PPP4C: variants seen among roughly 807,000 people sequenced by gnomAD.
The protein encoded by PPP4C is protein phosphatase 4 catalytic subunit, also known as serine/threonine-protein phosphatase 4 catalytic subunit.
In PPP4C, 10 loss-of-function variants were observed where a neutral mutation model predicts 40.5. The ratio of observed to expected loss-of-function variants is 0.25; its 90% CI spans 0.15 to 0.42. PPP4C has a LOEUF of 0.42. PPP4C is among the 10% of genes least tolerant of loss of function. PPP4C has a pLI of 1.00. For missense variants in PPP4C, 191 were observed against 416.4 expected (o/e 0.46, Z 4.71); for synonymous variants, 187 against 163.6 (o/e 1.14, Z -1.09).
chr16:30,076,243 C>A, intron 1 of PPP4C, 72 bp from the exon 2 acceptor site: 1 of 893,934 alleles, frequency 1.1e-6, no homozygotes, highest in Non-Finnish European at 1.7e-6. Context: ...GCCGGGCCGG[C>A]TCTAGAATCG....
intron 4 of PPP4C, 46 bp from the exon 5 acceptor site, chr16:30,082,700 G>GCCT (rs745518522): frequency 6.4e-7 from 1 of 1,569,220 alleles, no homozygotes; most frequent in Non-Finnish European, 8.8e-7. Flanking sequence ...CAGGTAGGGG[G>GCCT]TAGGGGACTG....
In PPP4C at chr16:30,082,737, T is replaced by A; in HGVS notation, c.202-9T>A. 6 of 1,612,072 alleles carry A rather than the reference T, an allele frequency of 3.7e-6. No homozygotes were observed. The highest frequency in any genetic ancestry group is 5.1e-6 in the Non-Finnish European group (6 of 1,178,620). ...TTACGACAGGGCAAAACTTTCTACT[T>A]CCCCACAGGTAGGTGGCGACGTCCC... On this transcript the variant is annotated splice_polypyrimidine_tract_variant and intron_variant, in intron 4 of 8. Transcript: ENST00000279387.
intron 2 of PPP4C, among the ~76,000 whole-genome samples, 166 bp downstream of exon 2, chr16:30,076,641 G>C (rs1166972568): frequency 6.6e-6 from 1 of 152,240 alleles, no homozygotes; most frequent in African/African-American, 2.4e-5. Context: ...GCTCGGGGAA[G>C]ACAGAGTGGA....
rs546535681 is a variant in PPP4C at position 30,082,818 on chromosome 16, G to A, written c.274G>A (p.Glu92Lys). Reference protein sequence around the residue: ...DFVDRGFYSVETFLLLLALKV... With the variant: ...DFVDRGFYSVKTFLLLLALKV... Reference sequence around the variant, plus strand: ...TGTGGACCGTGGCTTCTATAGCGTCGAAACGTTCCTCCTGCTGCTGGCACT... The same window carrying A: ...TGTGGACCGTGGCTTCTATAGCGTCAAAACGTTCCTCCTGCTGCTGGCACT... The change falls in exon 5 of 9, where the codon GAA (glutamate) becomes AAA (lysine). Residue 92 changes from glutamate to lysine, a missense_variant. Physicochemically the swap from Glu to Lys is moderately conservative, Grantham distance 56. Transcript: ENST00000279387. 2 of 1,614,058 alleles carry A rather than the reference G, an allele frequency of 1.2e-6. No homozygotes were observed. Among genetic ancestry groups the A allele is most frequent in the South Asian group, 1.1e-5 (1 of 91,068 alleles).
chr16:30,085,127 C>T lies in PPP4C; in HGVS notation c.*65C>T, dbSNP rs762360378. On this transcript the variant is annotated 3_prime_UTR_variant, in exon 9 of 9. Coordinates refer to ENST00000279387, the MANE Select transcript of PPP4C (RefSeq NM_002720.3). The stretch of plus-strand genomic sequence containing the variant: ...CGCACCACTGTGACTCTGCCATCTT[C>T]CTCAGACGGAGGCTGGGCGTGGGGG... The T allele has an allele frequency of 4.5e-5, 71 of 1,571,830 alleles. No individual in the cohort carries two copies. Among genetic ancestry groups the T allele is most frequent in the Non-Finnish European group, 6.1e-5 (71 of 1,156,010 alleles).
chr16:30,078,244 G>A (rs1180026300), intron 2 of PPP4C, among the ~76,000 whole-genome samples: 1 of 152,196 alleles, frequency 6.6e-6, no homozygotes, highest in Non-Finnish European at 1.5e-5. Context: ...AATACGCAGG[G>A]TGGGCTGAGT....
Position 30,076,410 on chromosome 16 carries a change from C to G in PPP4C, c.33C>G (p.Ile11Met), listed in dbSNP as rs1170553626. MAEISDLDRQ[I>M]EQLRRCELIK... ...AGATCAGCGACCTGGACCGGCAGAT[C>G]GAGCAGCTGCGTCGCTGCGAGCTCA... Residue 11 changes from isoleucine to methionine, a missense_variant, in exon 2 of 9, where the codon ATC (isoleucine) becomes ATG (methionine). By Grantham distance (10) the Ile-to-Met change is conservative (BLOSUM62 1). Coordinates refer to ENST00000279387, the MANE Select transcript of PPP4C (RefSeq NM_002720.3). 3.7e-6 allele frequency: 6 copies of G among 1,613,154 alleles called. No individual in the cohort carries two copies. The highest frequency in any genetic ancestry group is 1.3e-5 in the African/African-American group (1 of 74,936).
rs1349901109 is a variant in PPP4C at position 30,083,285 on chromosome 16, T to C, written c.304-109T>C. On this transcript the variant is annotated intron_variant, in intron 5 of 8. Transcript: ENST00000279387. The surrounding 1 kb of genome is among the most constrained non-coding windows in gnomAD (Gnocchi z 6.3). ...ATTCAGGCAAGAGGTGCCAGGAGTG[T>C]GCTGGGCAGTGGTTGTGAGGATGGC... 7.9e-6 allele frequency: 10 copies of C among 1,269,056 alleles called. No homozygotes were observed. The East Asian group carries it at 1.4e-4, about 18-fold the overall frequency. 78.6% of individuals were successfully genotyped at this position (1,269,056 alleles called of 1,614,324 possible). A position where few individuals can be genotyped will look rare whatever the true frequency, so the allele number is the denominator to read the frequency against.
chr16:30,080,813 A>C lies in PPP4C; in HGVS notation c.99-446A>C, dbSNP rs528606573. Among the ~76,000 whole-genome samples, 8 of 152,238 alleles carry C rather than the reference A, an allele frequency of 5.3e-5. No individual in the cohort carries two copies. The East Asian group carries it at 1.5e-3, about 29-fold the overall frequency. ...AGCCACCGCACCTGGCCAAGAGCGC[A>C]TCACTTTGAAGGCGCATCCACTGTG... is the stretch of plus-strand genomic sequence containing the variant. On this transcript the variant is annotated intron_variant, in intron 2 of 8. Transcript: ENST00000279387.
intron 2 of PPP4C, among the ~76,000 whole-genome samples, chr16:30,078,107 G>GTCTC (rs1407812799): frequency 6.6e-6 from 1 of 152,132 alleles, no homozygotes; most frequent in Non-Finnish European, 1.5e-5. Flanking sequence ...TCGAAGTATT[G>GTCTC]TCTCCCTCAC....
intron 2 of PPP4C, among the ~76,000 whole-genome samples, chr16:30,079,870 A>C (rs962088652): frequency 6.6e-5 from 10 of 151,928 alleles, no homozygotes; most frequent in African/African-American, 1.9e-4. Flanking sequence ...TTCATATCCC[A>C]CCTGTGTCAC....
In PPP4C at chr16:30,076,301, T is replaced by A. The variant is rs2072392450; in HGVS notation, c.-63-14T>A. 6.8e-7 allele frequency: 1 copy of A among 1,472,940 alleles called. No individual in the cohort carries two copies. Among genetic ancestry groups the A allele is most frequent in the African/African-American group, 1.4e-5 (1 of 71,842 alleles). 91.2% of individuals were successfully genotyped at this position (1,472,940 alleles called of 1,614,324 possible). ...ACGGACACTGATCCGCGGGCTCGTC[T>A]TGGCCTTTCCCAGGAGACCCCTGTG... On this transcript the variant is annotated splice_polypyrimidine_tract_variant and intron_variant, in intron 1 of 8. Transcript: ENST00000279387.
chr16:30,083,848 C>T lies in PPP4C; in HGVS notation c.604+67C>T. The T allele has an allele frequency of 2.5e-6, 4 of 1,586,674 alleles. No homozygotes were observed. The highest frequency in any genetic ancestry group is 3.4e-6 in the Non-Finnish European group (4 of 1,165,132). Reference sequence around the variant, plus strand: ...GGGTTGGGAAAGAGAGGGAGCAGGGCTGGTCTTCACTGTCACTCGTCCTCC... The same window carrying T: ...GGGTTGGGAAAGAGAGGGAGCAGGGTTGGTCTTCACTGTCACTCGTCCTCC... On this transcript the variant is annotated intron_variant, in intron 7 of 8. Coordinates refer to ENST00000279387, the MANE Select transcript of PPP4C (RefSeq NM_002720.3). The surrounding 1 kb of genome is among the most constrained non-coding windows in gnomAD (Gnocchi z 6.3).
chr16:30,081,093 G>C (rs541137361), intron 2 of PPP4C, 166 bp from the exon 3 acceptor site: 2 of 853,580 alleles, frequency 2.3e-6, no homozygotes, highest in Non-Finnish European at 1.9e-6. Context: ...GAAGGGTGTT[G>C]CATGCTGAAG....
At chr16:30,082,159 G>A (rs1274490358) in intron 3 of PPP4C, among the ~76,000 whole-genome samples, 1 of 152,200 alleles carries the variant, frequency 6.6e-6, no homozygotes, top group East Asian at 1.9e-4. Context: ...TATTTGGCGA[G>A]TGATTCTGCT....
chr16:30,085,126 T>C lies in PPP4C; in HGVS notation c.*64T>C. 1 of 1,574,068 alleles carries C rather than the reference T, an allele frequency of 6.4e-7. No individual in the cohort carries two copies. The highest frequency in any genetic ancestry group is 8.6e-7 in the Non-Finnish European group (1 of 1,156,616). On this transcript the variant is annotated 3_prime_UTR_variant, in exon 9 of 9. Transcript: ENST00000279387. The stretch of plus-strand genomic sequence containing the variant: ...TCGCACCACTGTGACTCTGCCATCT[T>C]CCTCAGACGGAGGCTGGGCGTGGGG...
At position 30,084,968 on chromosome 16, in the gene PPP4C, A is replaced by C; in HGVS notation, c.830A>C (p.Glu277Ala). 1 of 1,614,154 alleles carries C rather than the reference A, an allele frequency of 6.2e-7. No individual in the cohort carries two copies. Among genetic ancestry groups the C allele is most frequent in the Non-Finnish European group, 8.5e-7 (1 of 1,179,988 alleles). ...GTGGCAGCCATCTTGGAGCTGGACG[A>C]GCATCTCCAGAAAGATTTCATCATC... ...GNVAAILELD[E>A]HLQKDFIIFE... The change falls in exon 9 of 9, where the codon GAG becomes GCG. Residue 277 changes from glutamate (E) to alanine (A), a missense_variant. By Grantham distance (107) the Glu-to-Ala change is moderately radical. This residue lies in a region of PPP4C where 20 missense variants were observed against 41.0 expected (regional missense o/e 0.49). Coordinates refer to ENST00000279387, the MANE Select transcript of PPP4C (RefSeq NM_002720.3).
intron 2 of PPP4C, 130 bp downstream of exon 2, chr16:30,076,605 C>T (rs2151023607): frequency 1.1e-6 from 1 of 883,586 alleles, no homozygotes; most frequent in Non-Finnish European, 1.8e-6. Context: ...AGGATGGAGC[C>T]GCTGCCCTCG....
In PPP4C at chr16:30,082,490, G is replaced by A. The variant is rs1267683060; in HGVS notation, c.157G>A (p.Gly53Ser). 6.2e-7 allele frequency: 1 copy of A among 1,613,828 alleles called. No individual in the cohort carries two copies. The highest frequency in any genetic ancestry group is 8.5e-7 in the Non-Finnish European group (1 of 1,179,754). Residue 53 changes from glycine to serine, a missense_variant, in exon 4 of 9, where the codon GGC (glycine) becomes AGC (serine). Around this residue, in one of 3 missense-constraint regions of PPP4C, gnomAD observed 171 missense variants for 352.4 expected, o/e 0.49. Transcript: ENST00000279387. ...CACTCTTCCTGTTCCCCAGGTGTGCGGCGACATCCATGGACAATTCTATGA... is the reference window on the plus strand; with the variant it reads ...CACTCTTCCTGTTCCCCAGGTGTGCAGCGACATCCATGGACAATTCTATGA... ...QRVDSPVTVC[G>S]DIHGQFYDLK...
Sources: allele counts gnomAD v4.1 joint callset (sites outside exome capture counted in the v4.1 genomes callset), GRCh38; gene constraint gnomAD v4.1.1; regional missense constraint gnomAD v4.1.1; non-coding constraint Gnocchi (gnomAD v3.1); transcripts MANE v1.5; gene names NCBI Gene and HGNC (gene_info 2026-07-23, HGNC 2026-07-21).